The following SIPA1L2 variants were observed in gnomAD, a reference collection of about 807,000 sequenced individuals.
SIPA1L2 encodes the protein signal-induced proliferation-associated 1-like protein 2.
SIPA1L2 carries 56 observed loss-of-function variants against 163.9 expected under a neutral mutation model. The ratio of observed to expected loss-of-function variants is 0.34; its 90% confidence interval spans 0.28 to 0.43. SIPA1L2 has a LOEUF of 0.43. Ranked by LOEUF, SIPA1L2 falls within the 20% of genes least tolerant of loss-of-function variation. The pLI, the probability that SIPA1L2 is intolerant of heterozygous loss-of-function variation, is 1.00. For synonymous variants in SIPA1L2, 877 were observed against 865.7 expected, an observed-to-expected ratio of 1.01 and a Z score of -0.23; for missense variants, 1,974 against 2,193.5, an observed-to-expected ratio of 0.90 and a Z score of 2.00.
At chr1:232,558,466 C>T (rs749374285) in intron 2 of SIPA1L2, among the ~76,000 whole-genome samples, 18 of 152,194 alleles carry the variant, frequency 1.2e-4, no homozygotes, top group Non-Finnish European at 2.1e-4. Flanking sequence ...CCTCTGTCTA[C>T]CTTCAGGAAG....
chr1:232,415,669 C>T (rs367596068), intron 18 of SIPA1L2, 44 bp from the exon 19 acceptor site: 38 of 1,612,064 alleles, frequency 2.4e-5, no homozygotes, highest in Middle Eastern at 1.6e-4. Context: ...AGTCACAGCA[C>T]GGGCACCAGC....
chr1:232,471,427 C>G lies in SIPA1L2; in HGVS notation c.2187G>C (p.Gln729His). 1 of 1,614,084 alleles carries G rather than the reference C, an allele frequency of 6.2e-7. No individual in the cohort carries two copies. Among genetic ancestry groups the G allele is most frequent in the Non-Finnish European group, 8.5e-7 (1 of 1,179,976 alleles). Residue 729 changes from glutamine to histidine, a missense_variant, in exon 8 of 23, where the codon CAG becomes CAC. Physicochemically the swap from Gln to His is conservative, Grantham distance 24 (BLOSUM62 0). Coordinates refer to ENST00000674635, the MANE Select transcript of SIPA1L2 (RefSeq NM_020808.5). ...GCACTTTGACTATGACAAAGACATG[C>G]TGAAAGTGAGACCGGATGCTTTTTG... ...FTPKSIRSHF[Q>H]HVFVIVKVHN... is the part of the protein sequence containing the mutation.
At chr1:232,429,848 G>A (rs761057407) in intron 16 of SIPA1L2, among the ~76,000 whole-genome samples, 1 of 152,174 alleles carries the variant, frequency 6.6e-6, no homozygotes, top group Non-Finnish European at 1.5e-5. Context: ...GCTCCAGGCC[G>A]TATGTGTTTT....
intron 16 of SIPA1L2, among the ~76,000 whole-genome samples, chr1:232,431,214 G>A (rs1331805430): frequency 6.6e-6 from 1 of 152,170 alleles, no homozygotes; most frequent in Non-Finnish European, 1.5e-5. Context: ...ACTCTTATTA[G>A]ACAGAAATAC....
At chr1:232,588,013 A>C (rs1660761006) in intron 1 of SIPA1L2, among the ~76,000 whole-genome samples, 1 of 152,118 alleles carries the variant, frequency 6.6e-6, no homozygotes, top group East Asian at 1.9e-4. Context: ...TAAACTGCCC[A>C]GTCTCGGGTA....
chr1:232,599,818 T>A (rs1403239046), intron 1 of SIPA1L2, among the ~76,000 whole-genome samples: 1 of 152,216 alleles, frequency 6.6e-6, no homozygotes, highest in Non-Finnish European at 1.5e-5. Context: ...TACAACACAA[T>A]CTGTCTGCTC....
At chr1:232,593,138 G>A (rs564465495) in intron 1 of SIPA1L2, among the ~76,000 whole-genome samples, 15 of 152,092 alleles carry the variant, frequency 9.9e-5, no homozygotes, top group African/African-American at 2.4e-4. Flanking sequence ...ATTGTATCAC[G>A]TATTTACAAC....
intron 1 of SIPA1L2, among the ~76,000 whole-genome samples, chr1:232,592,509 A>G (rs1661019237): frequency 6.6e-6 from 1 of 152,104 alleles, no homozygotes; most frequent in African/African-American, 2.4e-5. Flanking sequence ...AATCAAATTA[A>G]CTCTGGTTTA....
chr1:232,431,348 A>G (rs1472984333), intron 16 of SIPA1L2, among the ~76,000 whole-genome samples: 2 of 152,218 alleles, frequency 1.3e-5, no homozygotes, highest in African/African-American at 2.4e-5. Flanking sequence ...TCCATGTTCA[A>G]TTTAAGCACT....
rs190714331 is a variant in SIPA1L2 at position 232,508,885 on chromosome 1, C to T, written c.1483+4972G>A. Among the ~76,000 whole-genome samples the T allele has an allele frequency of 2.4e-3, 367 of 152,244 alleles. 1 individual carries two copies. Among genetic ancestry groups the T allele is most frequent in the African/African-American group, 8.3e-3 (343 of 41,556 alleles). On this transcript the variant is annotated intron_variant, in intron 3 of 22. Transcript: ENST00000674635. The stretch of plus-strand genomic sequence containing the variant: ...GGTGGGTGGATCACCTGAAGACAGG[C>T]GTTCGAGACCAGCCTGGCCAACACG...
chr1:232,538,960 G>A (rs1657478042), intron 2 of SIPA1L2, among the ~76,000 whole-genome samples: 1 of 152,184 alleles, frequency 6.6e-6, no homozygotes, highest in Admixed American at 6.5e-5. Context: ...ATATTCCCAA[G>A]ATGCAAGTTT....
At chr1:232,601,921 G>A (rs1014033152) in intron 1 of SIPA1L2, among the ~76,000 whole-genome samples, 2 of 152,122 alleles carry the variant, frequency 1.3e-5, no homozygotes, top group Admixed American at 6.5e-5. Context: ...TATTATTTAT[G>A]ATTTAAAATA....
intron 6 of SIPA1L2, among the ~76,000 whole-genome samples, chr1:232,482,462 C>G (rs1665411265): frequency 1.3e-5 from 2 of 151,260 alleles, no homozygotes; most frequent in Admixed American, 1.3e-4. Context: ...AAAAGAAAAT[C>G]AGAAAAGGTC....
intron 2 of SIPA1L2, among the ~76,000 whole-genome samples, chr1:232,534,873 C>T (rs1303292553): frequency 6.6e-6 from 1 of 152,236 alleles, no homozygotes; most frequent in Non-Finnish European, 1.5e-5. Flanking sequence ...CAATTTCAAG[C>T]ACTTCCCTCG....
intron 1 of SIPA1L2, among the ~76,000 whole-genome samples, chr1:232,625,124 TG>T: frequency 6.6e-6 from 1 of 152,160 alleles, no homozygotes; most frequent in Non-Finnish European, 1.5e-5. Context: ...AAAGGAGGTT[TG>T]ACACACTCTT....
chr1:232,458,970 C>G (rs772126210), intron 10 of SIPA1L2, among the ~76,000 whole-genome samples: 3 of 152,176 alleles, frequency 2.0e-5, no homozygotes, highest in Non-Finnish European at 2.9e-5. Context: ...TAACACGGGA[C>G]TGATACTCTA....
chr1:232,468,389 T>C (rs1370789909), intron 8 of SIPA1L2, among the ~76,000 whole-genome samples: 1 of 152,096 alleles, frequency 6.6e-6, no homozygotes, highest in African/African-American at 2.4e-5. Flanking sequence ...TAAAGAAAGG[T>C]GTGAGGAGCA....
rs1047958978 is a variant in SIPA1L2, at chr1:232,491,044, C to T, written c.1636G>A (p.Ala546Thr). Residue 546 changes from alanine (A) to threonine (T), a missense_variant, in exon 5 of 23, where the codon GCA (alanine) becomes ACA (threonine). Ala to Thr is a moderately conservative substitution (Grantham distance 58, BLOSUM62 0). Around this residue, in one of 3 missense-constraint regions of SIPA1L2, gnomAD observed 288 missense variants for 418.9 expected, o/e 0.69. Transcript: ENST00000674635. Reference sequence around the variant, plus strand: ...GAGGGTATAGCATCTTCTAAAATTGCTCCTCTCAGTGTTGTAAGCTGCAGT... The same window carrying T: ...GAGGGTATAGCATCTTCTAAAATTGTTCCTCTCAGTGTTGTAAGCTGCAGT... ...RTSELTTLRG[A>T]ILEDAIPSTA... The T allele has an allele frequency of 3.7e-6, 6 of 1,613,436 alleles. No individual in the cohort carries two copies. Among genetic ancestry groups the T allele is most frequent in the Non-Finnish European group, 5.1e-6 (6 of 1,179,744 alleles).
At chr1:232,568,497 T>C (rs918151126) in intron 2 of SIPA1L2, among the ~76,000 whole-genome samples, 3 of 152,108 alleles carry the variant, frequency 2.0e-5, no homozygotes, top group East Asian at 1.9e-4. Flanking sequence ...CATAGACCTA[T>C]TGAATTAAGG....
Sources: gnomAD v4.1 joint callset for allele counts (sites outside exome capture counted in the v4.1 genomes callset) on GRCh38, gnomAD v4.1.1 for gene constraint, gnomAD v4.1.1 regional missense constraint, MANE v1.5 for transcripts, NCBI Gene and HGNC (gene_info 2026-07-23, HGNC 2026-07-21) for gene names.